The following UGT1A10 variants were observed in gnomAD, a reference collection of about 807,000 sequenced individuals.
UGT1A10 encodes UDP glucuronosyltransferase family 1 member A10.
Under a neutral mutation model 45.8 loss-of-function variants are expected in UGT1A10, and 49 were observed. The observed-to-expected ratio is 1.07, with a 90% CI of 0.85 to 1.36. The LOEUF (loss-of-function observed/expected upper bound fraction) is 1.36. Ranked by LOEUF, UGT1A10 falls within the 40% of genes most tolerant of loss-of-function variation. The pLI is 0.00. For missense variants in UGT1A10, 745 were observed against 668.6 expected, an observed-to-expected ratio of 1.11 and a Z score of -1.26; for synonymous variants, 284 against 249.7, an observed-to-expected ratio of 1.14 and a Z score of -1.29.
chr2:233,668,959 T>C (rs1291125749), intron 1 of UGT1A10, among the ~76,000 whole-genome samples: 1 of 152,236 alleles, frequency 6.6e-6, no homozygotes, highest in Non-Finnish European at 1.5e-5. Flanking sequence ...TGAGGTATTC[T>C]GTAGAATGTT....
intron 1 of UGT1A10, chr2:233,742,641 A>G (rs1692051746): frequency 1.3e-5 from 2 of 152,170 alleles, no homozygotes. Flanking sequence ...GTCCTAGTAT[A>G]CCACCGACCA....
chr2:233,637,627 T>C (rs1449352967), intron 1 of UGT1A10, among the ~76,000 whole-genome samples: 1 of 152,190 alleles, frequency 6.6e-6, no homozygotes, highest in Non-Finnish European at 1.5e-5. Context: ...AATACGATGT[T>C]TAGAAAAGTA....
chr2:233,761,130 TC>T, intron 1 of UGT1A10: 1 of 1,614,212 alleles, frequency 6.2e-7, no homozygotes, highest in Non-Finnish European at 8.5e-7. Flanking sequence ...TCAACTGCCT[TC>T]ACCAAAATCC....
At position 233,637,189 on chromosome 2, in the gene UGT1A10, C is replaced by G. The variant is rs752071302; in HGVS notation, c.667C>G (p.Leu223Val). 6 of 1,613,918 alleles carry G rather than the reference C, an allele frequency of 3.7e-6. No individual in the cohort carries two copies. The Admixed American group carries it at 6.7e-5, about 18-fold the overall frequency. The change falls in exon 1 of 5, where the codon CTT becomes GTT. Residue 223 changes from leucine (L) to valine (V), a missense_variant. Coordinates refer to ENST00000344644, the MANE Select transcript of UGT1A10 (RefSeq NM_019075.4). ...HLEDHLFCQY[L>V]FRNALEIASE... ...GGAGGACCATTTATTTTGCCAGTAT[C>G]TTTTTAGAAATGCCCTAGAAATAGC...
chr2:233,734,315 C>T (rs1041289451), intron 1 of UGT1A10, among the ~76,000 whole-genome samples: 4 of 151,932 alleles, frequency 2.6e-5, no homozygotes, highest in African/African-American at 4.8e-5. Flanking sequence ...TTTGTGTAGA[C>T]GTATTTATAG....
Position 233,743,773 on chromosome 2 carries a change from C to G in UGT1A10, c.856-23261C>G, listed in dbSNP as rs367921172. 3 of 1,367,248 alleles carry G rather than the reference C, an allele frequency of 2.2e-6. No homozygotes were observed. In the East Asian group the frequency reaches 1.4e-4, roughly 62 times the overall value. The allele number at this position is 1,367,248 out of a possible 1,614,324, so 84.7% of individuals were successfully genotyped here. A position where few individuals can be genotyped will look rare whatever the true frequency, so the allele number is the denominator to read the frequency against. On this transcript the variant is annotated intron_variant, in intron 1 of 4. Coordinates refer to ENST00000344644, the MANE Select transcript of UGT1A10 (RefSeq NM_019075.4). ...ACAACACCTCGTAGGCCTCGGCCACCTGCTTGAATCTCCTCTCCGCTTCCT... is the reference window on the plus strand; with the variant it reads ...ACAACACCTCGTAGGCCTCGGCCACGTGCTTGAATCTCCTCTCCGCTTCCT...
At chr2:233,734,058 T>C (rs887358519) in intron 1 of UGT1A10, among the ~76,000 whole-genome samples, 3 of 152,142 alleles carry the variant, frequency 2.0e-5, no homozygotes, top group Non-Finnish European at 4.4e-5. Context: ...TATACATATG[T>C]AACAAACCTG....
chr2:233,714,121 CTGTT>C (rs2076367442), intron 1 of UGT1A10, among the ~76,000 whole-genome samples: 1 of 152,078 alleles, frequency 6.6e-6, no homozygotes, highest in African/African-American at 2.4e-5. Flanking sequence ...CTCACGGAGA[CTGTT>C]CGTTTGTAAA....
At chr2:233,695,451 A>G (rs774662852) in intron 1 of UGT1A10, among the ~76,000 whole-genome samples, 22 of 149,706 alleles carry the variant, frequency 1.5e-4, no homozygotes, top group South Asian at 6.5e-4. Context: ...TTTTTGATCA[A>G]CGTGCTTTAT....
intron 1 of UGT1A10, among the ~76,000 whole-genome samples, chr2:233,686,795 T>A (rs1401405195): frequency 2.6e-5 from 4 of 152,090 alleles, no homozygotes; most frequent in African/African-American, 9.7e-5. Flanking sequence ...TCTTTCCACC[T>A]CCCCTGTTAC....
chr2:233,741,588 A>G (rs1403330194), intron 1 of UGT1A10: 1 of 151,778 alleles, frequency 6.6e-6, no homozygotes, highest in Non-Finnish European at 1.5e-5. Context: ...GGCACCTCGG[A>G]GCATGTTGAT....
chr2:233,672,348 G>A (rs2074222814), intron 1 of UGT1A10: 1 of 1,614,126 alleles, frequency 6.2e-7, no homozygotes, highest in African/African-American at 1.3e-5. Flanking sequence ...AATACTTAAA[G>A]GAGAGTTCTT....
intron 1 of UGT1A10, among the ~76,000 whole-genome samples, chr2:233,669,085 T>G (rs1414549039): frequency 6.6e-6 from 1 of 152,234 alleles, no homozygotes. Flanking sequence ...GATACCCAAC[T>G]GTTGAAGAGT....
chr2:233,772,563 G>A lies in UGT1A10; in HGVS notation c.*4G>A. ...CCACAAATCCAAGACCCATTGAGAA[G>A]TGGGTGGGAAATAAGGTAAAATTTT... On this transcript the variant is annotated 3_prime_UTR_variant, in exon 5 of 5. Transcript: ENST00000344644. 2 of 1,613,538 alleles carry A rather than the reference G, an allele frequency of 1.2e-6. No homozygotes were observed. Among genetic ancestry groups the A allele is most frequent in the Middle Eastern group, 1.6e-4 (1 of 6,062 alleles).
intron 1 of UGT1A10, among the ~76,000 whole-genome samples, chr2:233,660,646 A>T (rs996370002): frequency 6.6e-6 from 1 of 152,082 alleles, no homozygotes; most frequent in African/African-American, 2.4e-5. Flanking sequence ...CATAAATTGG[A>T]CTGTATTTGC....
intron 1 of UGT1A10, among the ~76,000 whole-genome samples, chr2:233,757,459 C>T (rs1280909636): frequency 8.7e-5 from 13 of 149,420 alleles, no homozygotes; most frequent in African/African-American, 2.0e-4. Flanking sequence ...ATGTCCAGAG[C>T]GCTTACTGTC....
At chr2:233,725,264 G>GGCAGAGGCAGAGGCAGAGGCAGAGGCA (rs1216362118) in intron 1 of UGT1A10, among the ~76,000 whole-genome samples, 1 of 58,548 alleles carries the variant, frequency 1.7e-5, no homozygotes, top group African/African-American at 1.3e-4. Flanking sequence ...CAGAGGCAGA[G>GGCAGAGGCAGAGGCAGAGGCAGAGGCA]GAGGCAGAGG....
At chr2:233,743,547 C>T (rs201114978) in intron 1 of UGT1A10, 3 of 1,367,292 alleles carry the variant, frequency 2.2e-6, no homozygotes, top group Non-Finnish European at 9.8e-7. Context: ...TCTGACCCCC[C>T]CAAAATATTC....
At chr2:233,662,172 GTGTT>G (rs2073984206) in intron 1 of UGT1A10, among the ~76,000 whole-genome samples, 1 of 152,132 alleles carries the variant, frequency 6.6e-6, no homozygotes, top group Admixed American at 6.5e-5. Flanking sequence ...TAGTCTGTAA[GTGTT>G]TGTGTGCATA....
Sources: allele counts gnomAD v4.1 joint callset (sites outside exome capture counted in the v4.1 genomes callset), GRCh38; gene constraint gnomAD v4.1.1; transcripts MANE v1.5; gene names NCBI Gene and HGNC (gene_info 2026-07-23, HGNC 2026-07-21).